Variants in GTSE1 observed in about 807,000 individuals in gnomAD.
The protein encoded by GTSE1 is G2 and S-phase expressed 1.
GTSE1 carries 52 observed loss-of-function variants against 60.5 expected under a neutral mutation model. The ratio of observed to expected loss-of-function variants is 0.86; its 90% CI spans 0.69 to 1.08. The LOEUF (loss-of-function observed/expected upper bound fraction) is 1.08. GTSE1 is among the 50% of genes least tolerant of loss of function. The pLI is 0.00. For synonymous variants in GTSE1, 368 were observed against 386.5 expected (o/e 0.95, Z 0.56); for missense variants, 937 against 961.8 (o/e 0.97, Z 0.34).
chr22:46,315,868 C>G (rs1000139163), intron 6 of GTSE1, among the ~76,000 whole-genome samples, 164 bp from the exon 7 acceptor site: 1 of 152,200 alleles, frequency 6.6e-6, no homozygotes, highest in African/African-American at 2.4e-5. Context: ...TAAAAGCTGC[C>G]TGAGCCATCC....
chr22:46,300,102 C>CT (rs970086575), intron 2 of GTSE1, among the ~76,000 whole-genome samples: 10 of 145,210 alleles, frequency 6.9e-5, no homozygotes, highest in Admixed American at 4.2e-4. Flanking sequence ...TGTGCTCAGC[C>CT]TTTTTTTTCT....
intron 7 of GTSE1, among the ~76,000 whole-genome samples, chr22:46,322,149 G>C (rs952665402): frequency 6.6e-6 from 1 of 151,904 alleles, no homozygotes; most frequent in African/African-American, 2.4e-5. Flanking sequence ...AGGAGATCTG[G>C]TTTAAAGCGG....
rs1320339009 is a variant in GTSE1, at chr22:46,309,886, G to T, written c.762+943G>T. On this transcript the variant is annotated intron_variant, in intron 4 of 11. Transcript: ENST00000454366. The surrounding 1 kb of genome is among the most constrained non-coding windows in gnomAD (Gnocchi z 6.2). ...GAATGAGAGTGGGATGGGTCCTGCT[G>T]TGTGGAGCACACGTGGACTCGGGAC... 6.6e-6 allele frequency among the ~76,000 whole-genome samples: 1 copy of T among 152,246 alleles called. No homozygotes were observed. The highest frequency in any genetic ancestry group is 2.4e-5 in the African/African-American group (1 of 41,460).
rs778890228 is a variant in GTSE1 at position 46,308,277 on chromosome 22, C to A, written c.138-42C>A. 1.3e-5 allele frequency: 21 copies of A among 1,606,608 alleles called. No individual in the cohort carries two copies. In the African/African-American group the frequency reaches 2.8e-4, roughly 22 times the overall value. On this transcript the variant is annotated intron_variant, in intron 3 of 11. Coordinates refer to ENST00000454366, the MANE Select transcript of GTSE1 (RefSeq NM_016426.7). ...TCAGTAAAGTCTTTCCTTTAAATGC[C>A]AGTGTTATGAGTTATTAATCATTCT...
chr22:46,325,340 G>A (rs2077837493), intron 8 of GTSE1, among the ~76,000 whole-genome samples: 1 of 152,128 alleles, frequency 6.6e-6, no homozygotes, highest in South Asian at 2.1e-4. Context: ...GGGACCACAG[G>A]CACATGCCAC....
At chr22:46,323,139 G>T (rs752141616) in intron 7 of GTSE1, 51 bp from the exon 8 acceptor site, 6 of 1,182,268 alleles carry the variant, frequency 5.1e-6, no homozygotes, top group Middle Eastern at 1.9e-4. Context: ...CCAACAGTAG[G>T]TCTCCCCCTG....
chr22:46,303,075 A>G (rs1302648668), intron 2 of GTSE1, among the ~76,000 whole-genome samples: 1 of 151,016 alleles, frequency 6.6e-6, no homozygotes, highest in Non-Finnish European at 1.5e-5. Flanking sequence ...AATTTTTTGT[A>G]TTTTTTAGTA....
Position 46,304,054 on chromosome 22 carries a change from A to G in GTSE1, c.80-4096A>G, listed in dbSNP as rs2077703625. ...AGTGTCTCTTGCTCTATTGCCCAGG[A>G]TGGAGTGCAGTGGCTTGATCATAGC... is the stretch of plus-strand genomic sequence containing the variant. On this transcript the variant is annotated intron_variant, in intron 2 of 11. Transcript: ENST00000454366. This position sits in a 1 kb window ranked among gnomAD's most constrained non-coding sequence, Gnocchi z 4.4. Among the ~76,000 whole-genome samples the G allele has an allele frequency of 6.6e-6, 1 of 152,062 alleles. No individual in the cohort carries two copies. Among genetic ancestry groups the G allele is most frequent in the Admixed American group, 6.6e-5 (1 of 15,266 alleles).
In GTSE1 at chr22:46,317,048, A is replaced by G. The variant is rs937702611; in HGVS notation, c.1432+636A>G. 3.3e-5 allele frequency among the ~76,000 whole-genome samples: 5 copies of G among 151,538 alleles called. No individual in the cohort carries two copies. Among genetic ancestry groups the G allele is most frequent in the Admixed American group, 3.3e-4 (5 of 15,210 alleles). ...GCGATCTCAGCGCACTGTAACCTCC[A>G]CCTACCGAGTTCAAGCAATTCTCCT... On this transcript the variant is annotated intron_variant, in intron 7 of 11. Coordinates refer to ENST00000454366, the MANE Select transcript of GTSE1 (RefSeq NM_016426.7). This position sits in a 1 kb window ranked among gnomAD's most constrained non-coding sequence, Gnocchi z 5.6.
chr22:46,297,967 T>TATTC lies in GTSE1; in HGVS notation c.79+491_79+492insCATT, dbSNP rs1254704677. Among the ~76,000 whole-genome samples, 1 of 152,038 alleles carries TATTC rather than the reference T, an allele frequency of 6.6e-6. No individual in the cohort carries two copies. The highest frequency in any genetic ancestry group is 1.5e-5 in the Non-Finnish European group (1 of 68,040). ...TTCTCTCAAAGCGTTTTTATTTATT[T>TATTC]ATTTATTTATTTATTGACGGAGTCT... On this transcript the variant is annotated intron_variant, in intron 2 of 11. Coordinates refer to ENST00000454366, the MANE Select transcript of GTSE1 (RefSeq NM_016426.7). This position sits in a 1 kb window ranked among gnomAD's most constrained non-coding sequence, Gnocchi z 4.9.
At position 46,297,546 on chromosome 22, in the gene GTSE1, T is replaced by C; in HGVS notation, c.79+67T>C. The C allele has an allele frequency of 6.4e-6, 7 of 1,086,394 alleles. No homozygotes were observed. In the South Asian group the frequency reaches 8.0e-5, roughly 12 times the overall value. 67.3% of individuals were successfully genotyped at this position (1,086,394 alleles called of 1,614,324 possible). On this transcript the variant is annotated intron_variant, in intron 2 of 11. Coordinates refer to ENST00000454366, the MANE Select transcript of GTSE1 (RefSeq NM_016426.7). The surrounding 1 kb of genome is among the most constrained non-coding windows in gnomAD (Gnocchi z 4.9). ...TCAGTAGAGATGGAGGGTGATTTAA[T>C]GTTTCCCTGAGAAATTCTTTCTCAA...
intron 2 of GTSE1, among the ~76,000 whole-genome samples, chr22:46,299,045 A>C (rs552895976): frequency 3.1e-4 from 47 of 152,302 alleles, no homozygotes; most frequent in African/African-American, 1.1e-3. Flanking sequence ...TGCTTTCATC[A>C]GTCGTTGACG....
At position 46,310,642 on chromosome 22, in the gene GTSE1, A is replaced by C. The variant is rs2077742801; in HGVS notation, c.763-1499A>C. On this transcript the variant is annotated intron_variant, in intron 4 of 11. Transcript: ENST00000454366. The surrounding 1 kb of genome is among the most constrained non-coding windows in gnomAD (Gnocchi z 4.4). Reference sequence around the variant, plus strand: ...TGGTTTATTTTTGGCAATAAAAAGAAACACTACTGGGCGTGGTAGCTCACA... The same window carrying C: ...TGGTTTATTTTTGGCAATAAAAAGACACACTACTGGGCGTGGTAGCTCACA... Among the ~76,000 whole-genome samples the C allele has an allele frequency of 6.6e-6, 1 of 152,208 alleles. No homozygotes were observed. Among genetic ancestry groups the C allele is most frequent in the African/African-American group, 2.4e-5 (1 of 41,454 alleles).
Position 46,308,437 on chromosome 22 carries a change from A to G in GTSE1, c.256A>G (p.Ser86Gly). ...ACAGCCTCCGTTGCCCACATCTGAGAGTCCCTTTGCCTGGAGCCCTCTGGC... is the reference window on the plus strand; with the variant it reads ...ACAGCCTCCGTTGCCCACATCTGAGGGTCCCTTTGCCTGGAGCCCTCTGGC... ...PEQPPLPTSE[S>G]PFAWSPLAGE... The change falls in exon 4 of 12, where the codon AGT becomes GGT. Residue 86 changes from serine to glycine, a missense_variant. Ser to Gly is a moderately conservative substitution (Grantham distance 56). Transcript: ENST00000454366. The G allele has an allele frequency of 6.2e-7, 1 of 1,614,190 alleles. No individual in the cohort carries two copies. Among genetic ancestry groups the G allele is most frequent in the Non-Finnish European group, 8.5e-7 (1 of 1,180,046 alleles).
At position 46,312,143 on chromosome 22, in the gene GTSE1, C is replaced by T; in HGVS notation, c.765C>T (p.Pro255=). The T allele has an allele frequency of 1.2e-6, 2 of 1,610,868 alleles. No individual in the cohort carries two copies. The highest frequency in any genetic ancestry group is 2.2e-5 in the East Asian group (1 of 44,852). ...ACAGTTCAAATTAAAATTTTCAGCCCAAGAAAGAGATTCCAGCTAGTCCTT... is the reference window on the plus strand; with the variant it reads ...ACAGTTCAAATTAAAATTTTCAGCCTAAGAAAGAGATTCCAGCTAGTCCTT... ...GRSIPGAAEK[P]KKEIPASPSR... The change falls in exon 5 of 12, where the codon CCC becomes CCT. Residue 255 remains proline (P), a splice_region_variant and synonymous_variant. Coordinates refer to ENST00000454366, the MANE Select transcript of GTSE1 (RefSeq NM_016426.7).
chr22:46,329,281 G>A lies in GTSE1; in HGVS notation c.1927-77G>A. 2.4e-6 allele frequency: 3 copies of A among 1,237,984 alleles called. No individual in the cohort carries two copies. The highest frequency in any genetic ancestry group is 3.6e-6 in the Non-Finnish European group (3 of 844,754). 76.7% of individuals were successfully genotyped at this position (1,237,984 alleles called of 1,614,324 possible). ...CAAACCGCCAGCCCACCTGGAACAT[G>A]AGCAAAGCTCACATTCTCCCAAGAT... On this transcript the variant is annotated intron_variant, in intron 10 of 11. Coordinates refer to ENST00000454366, the MANE Select transcript of GTSE1 (RefSeq NM_016426.7). The surrounding 1 kb of genome is among the most constrained non-coding windows in gnomAD (Gnocchi z 6.4).
chr22:46,324,420 G>T lies in GTSE1; in HGVS notation c.1505+1158G>T, dbSNP rs556105821. ...TCTCACTCTGTCACCCAGGCTGGAG[G>T]GCAGTGGCACGATCTCAGCTCATGG... On this transcript the variant is annotated intron_variant, in intron 8 of 11. Coordinates refer to ENST00000454366, the MANE Select transcript of GTSE1 (RefSeq NM_016426.7). This position sits in a 1 kb window ranked among gnomAD's most constrained non-coding sequence, Gnocchi z 5.2. 4.6e-5 allele frequency among the ~76,000 whole-genome samples: 7 copies of T among 151,820 alleles called. No homozygotes were observed. The South Asian group carries it at 1.0e-3, about 23-fold the overall frequency.
intron 2 of GTSE1, among the ~76,000 whole-genome samples, chr22:46,302,280 C>T (rs2077693815): frequency 6.6e-6 from 1 of 151,938 alleles, no homozygotes; most frequent in South Asian, 2.1e-4. Flanking sequence ...AACTGAGTTG[C>T]AAATATTCTT....
At chr22:46,298,918 A>C (rs2077673621) in intron 2 of GTSE1, among the ~76,000 whole-genome samples, 1 of 151,928 alleles carries the variant, frequency 6.6e-6, no homozygotes, top group African/African-American at 2.4e-5. Flanking sequence ...TTGCCTCTCC[A>C]TTGCTGTGTT....
Sources: allele counts gnomAD v4.1 joint callset (sites outside exome capture counted in the v4.1 genomes callset), GRCh38; gene constraint gnomAD v4.1.1; non-coding constraint Gnocchi (gnomAD v3.1); transcripts MANE v1.5; gene names NCBI Gene and HGNC (gene_info 2026-07-23, HGNC 2026-07-21).